TNRC6B: variants seen among roughly 807,000 people sequenced by gnomAD.
The protein encoded by TNRC6B is trinucleotide repeat containing adaptor 6B.
TNRC6B carries 52 observed loss-of-function variants against 203.6 expected under a neutral mutation model. The ratio of observed to expected loss-of-function variants is 0.26; its 90% CI spans 0.20 to 0.32. TNRC6B has a LOEUF of 0.32. TNRC6B is among the 10% of genes least tolerant of loss of function. The pLI, the probability that TNRC6B is intolerant of heterozygous loss-of-function variation, is 1.00. For synonymous variants in TNRC6B, 838 were observed against 845.7 expected, an observed-to-expected ratio of 0.99 and a Z score of 0.16; for missense variants, 1,923 against 2,286.2, an observed-to-expected ratio of 0.84 and a Z score of 3.24.
chr22:40,130,494 T>G (rs1361570454), intron 3 of TNRC6B, among the ~76,000 whole-genome samples: 1 of 151,918 alleles, frequency 6.6e-6, no homozygotes, highest in Non-Finnish European at 1.5e-5. Flanking sequence ...AGTTAACAAA[T>G]GAATTGGCCG....
chr22:40,303,180 C>A (rs1360477199), intron 15 of TNRC6B, among the ~76,000 whole-genome samples: 1 of 151,770 alleles, frequency 6.6e-6, no homozygotes, highest in Admixed American at 6.6e-5. Context: ...CAGGCACATG[C>A]CACCACTCCC....
intron 1 of TNRC6B, among the ~76,000 whole-genome samples, chr22:40,100,273 A>AGAGACAGGGTCTCGCCATGTTGCC (rs1396788888): frequency 1.3e-5 from 2 of 151,492 alleles, no homozygotes; most frequent in African/African-American, 4.9e-5. Flanking sequence ...TATTTTTAGT[A>AGAGACAGGGTCTCGCCATGTTGCC]GAGACAGGGT....
Position 40,071,308 on chromosome 22 carries a change from TCTC to T in TNRC6B, c.-121+26314_-121+26316del, listed in dbSNP as rs1464997398. Among the ~76,000 whole-genome samples, 3 of 152,248 alleles carry T rather than the reference TCTC, an allele frequency of 2.0e-5. No homozygotes were observed. In the East Asian group the frequency reaches 5.8e-4, roughly 29 times the overall value. On this transcript the variant is annotated intron_variant, in intron 1 of 23. Transcript: ENST00000301923. Reference sequence around the variant, plus strand: ...ATGAAGGATCTCATAGTTCCCCTCTTCTCCTCTCTCCTTTCGGAGGTACCTCGT... The same window carrying T: ...ATGAAGGATCTCATAGTTCCCCTCTTCTCTCTCCTTTCGGAGGTACCTCGT...
At chr22:40,108,341 A>G (rs2068304622) in intron 1 of TNRC6B, among the ~76,000 whole-genome samples, 1 of 152,194 alleles carries the variant, frequency 6.6e-6, no homozygotes, top group African/African-American at 2.4e-5. Context: ...TGTCTCTGAG[A>G]TTCACCACGG....
chr22:40,170,355 ATGTATATAGTT>A (rs1569005917), intron 4 of TNRC6B, among the ~76,000 whole-genome samples: 4 of 71,620 alleles, frequency 5.6e-5, no homozygotes, highest in Non-Finnish European at 7.3e-5. Context: ...TATATATATT[ATGTATATAGTT>A]TATATATATA....
intron 1 of TNRC6B, among the ~76,000 whole-genome samples, chr22:40,089,687 T>TA (rs1242657967): frequency 6.6e-6 from 1 of 152,174 alleles, no homozygotes; most frequent in African/African-American, 2.4e-5. Context: ...ATGATGAACT[T>TA]ATGTTGGTAC....
intron 21 of TNRC6B, among the ~76,000 whole-genome samples, chr22:40,319,990 A>T (rs1029337392): frequency 2.0e-5 from 3 of 152,158 alleles, no homozygotes; most frequent in Non-Finnish European, 4.4e-5. Flanking sequence ...TGTGTAATCT[A>T]TTGTTACTTA....
Position 40,266,218 on chromosome 22 carries a change from C to T in TNRC6B, c.1988C>T (p.Ser663Leu). 6.2e-7 allele frequency: 1 copy of T among 1,608,846 alleles called. No individual in the cohort carries two copies. The highest frequency in any genetic ancestry group is 8.5e-7 in the Non-Finnish European group (1 of 1,177,324). ...AGCGCTGCCACACAGACCAAGAACT[C>T]AGGGGGCTGGGGAGATGCACCCAGC... ...WESAATQTKNSGGWGDAPSQS... is the reference protein window; with the variant it reads ...WESAATQTKNLGGWGDAPSQS... The change falls in exon 5 of 23, where the codon TCA (serine) becomes TTA (leucine). Residue 663 changes from serine (S) to leucine (L), a missense_variant. This residue lies in a region of TNRC6B where 599 missense variants were observed against 656.5 expected (regional missense o/e 0.91). Transcript: ENST00000454349.
In TNRC6B at chr22:40,266,107, C is replaced by T; in HGVS notation, c.1877C>T (p.Thr626Ile). 3.1e-6 allele frequency: 5 copies of T among 1,613,886 alleles called. No homozygotes were observed. The highest frequency in any genetic ancestry group is 4.2e-6 in the Non-Finnish European group (5 of 1,179,898). ...RVLSNTGWGQ[T>I]QIKQDTVWDI... Reference sequence around the variant, plus strand: ...CTCTCAAACACTGGCTGGGGCCAAACTCAAATTAAGCAGGACACAGTGTGG... The same window carrying T: ...CTCTCAAACACTGGCTGGGGCCAAATTCAAATTAAGCAGGACACAGTGTGG... The change falls in exon 5 of 23, where the codon ACT (threonine) becomes ATT (isoleucine). Residue 626 changes from threonine to isoleucine, a missense_variant. By Grantham distance (89) the Thr-to-Ile change is moderately conservative. Coordinates refer to ENST00000454349, the MANE Select transcript of TNRC6B (RefSeq NM_001162501.2).
chr22:40,142,530 C>T (rs369886395), intron 3 of TNRC6B, among the ~76,000 whole-genome samples: 1 of 152,124 alleles, frequency 6.6e-6, no homozygotes, highest in Non-Finnish European at 1.5e-5. Context: ...TACTGTGTTC[C>T]GTGTAGCAGA....
At chr22:40,253,971 A>G (rs1302443385) in intron 3 of TNRC6B, among the ~76,000 whole-genome samples, 3 of 152,168 alleles carry the variant, frequency 2.0e-5, no homozygotes, top group Non-Finnish European at 2.9e-5. Context: ...TGTTGGTGCC[A>G]AGTCTCTGGT....
rs115053750 is a variant in TNRC6B at position 40,214,892 on chromosome 22, T to A, written c.6-31123T>A. ...CTTACAACTGCATGTGTATCTACAA[T>A]TATCTCAAAAAGTTAAAAGCAAACA... On this transcript the variant is annotated intron_variant, in intron 1 of 22. Transcript: ENST00000454349. Among the ~76,000 whole-genome samples the A allele has an allele frequency of 2.0e-3, 305 of 152,260 alleles. 1 individual carries two copies. The highest frequency in any genetic ancestry group is 7.2e-3 in the African/African-American group (298 of 41,538).
intron 1 of TNRC6B, among the ~76,000 whole-genome samples, chr22:40,188,833 G>A (rs999419768): frequency 6.6e-6 from 1 of 152,128 alleles, no homozygotes; most frequent in Admixed American, 6.5e-5. Flanking sequence ...TTTACTTTCT[G>A]ATAATAAGTG....
At chr22:40,068,610 G>C (rs1264406293) in intron 1 of TNRC6B, among the ~76,000 whole-genome samples, 1 of 151,730 alleles carries the variant, frequency 6.6e-6, no homozygotes, top group Non-Finnish European at 1.5e-5. Context: ...GAGCCACCGC[G>C]CCTGGCCTCT....
intron 1 of TNRC6B, among the ~76,000 whole-genome samples, chr22:40,194,587 A>G (rs1292564682): frequency 6.6e-6 from 1 of 152,206 alleles, no homozygotes; most frequent in African/African-American, 2.4e-5. Context: ...TTCAGGTAGC[A>G]GTGTCCTTGA....
chr22:40,114,164 G>A (rs2146315383), intron 1 of TNRC6B, among the ~76,000 whole-genome samples: 1 of 152,136 alleles, frequency 6.6e-6, no homozygotes, highest in Admixed American at 6.5e-5. Context: ...TTAAAACCCT[G>A]CCATACTCAG....
In TNRC6B at chr22:40,273,565, GC is replaced by G; in HGVS notation, c.3107del (p.Ala1036GlufsTer11). The G allele has an allele frequency of 6.3e-7, 1 of 1,587,502 alleles. No individual in the cohort carries two copies. Among genetic ancestry groups the G allele is most frequent in the Non-Finnish European group, 8.6e-7 (1 of 1,166,716 alleles). ...SQGSASSHNSASWGQGGKKQM... is the reference protein window; with the variant it reads ...SQGSASSHNSXSWGQGGKKQM... Reference sequence around the variant, plus strand: ...GGGCAGTGCTTCCTCCCACAACTCAGCAAGCTGGGGACAAGGAGGAAAGAAA... The same window carrying G: ...GGGCAGTGCTTCCTCCCACAACTCAGAAGCTGGGGACAAGGAGGAAAGAAA... On this transcript the variant is annotated frameshift_variant, in exon 7 of 23. Coordinates refer to ENST00000454349, the MANE Select transcript of TNRC6B (RefSeq NM_001162501.2). LOFTEE classifies it high-confidence loss of function.
rs140253815 is a variant in TNRC6B at position 40,278,583 on chromosome 22, G to A, written c.3262+539G>A. Among the ~76,000 whole-genome samples, 147 of 151,032 alleles carry A rather than the reference G, an allele frequency of 9.7e-4. 6 individuals are homozygous for A. The East Asian group carries it at 0.025, about 26-fold the overall frequency. Reference sequence around the variant, plus strand: ...AAAAAAAAAAAAAAAAACCTGGGACGAGGTGGCCACAGGTTAACTGTGGAG... The same window carrying A: ...AAAAAAAAAAAAAAAAACCTGGGACAAGGTGGCCACAGGTTAACTGTGGAG... On this transcript the variant is annotated intron_variant, in intron 9 of 22. Transcript: ENST00000454349.
chr22:40,273,004 A>T (rs1452746546), intron 6 of TNRC6B, among the ~76,000 whole-genome samples: 1 of 152,216 alleles, frequency 6.6e-6, no homozygotes, highest in African/African-American at 2.4e-5. Context: ...CCTCGTATTT[A>T]TAGTGTCCAT....
Sources: allele counts gnomAD v4.1 joint callset (sites outside exome capture counted in the v4.1 genomes callset), GRCh38; gene constraint gnomAD v4.1.1; regional missense constraint gnomAD v4.1.1; transcripts MANE v1.5; gene names NCBI Gene and HGNC (gene_info 2026-07-23, HGNC 2026-07-21).